Variants in LAIR1 observed in about 807,000 individuals in gnomAD.
LAIR1 encodes the protein leukocyte-associated immunoglobulin-like receptor 1.
LAIR1 carries 24 observed loss-of-function variants against 32.8 expected under a neutral mutation model. The ratio of observed to expected loss-of-function variants is 0.73; its 90% CI spans 0.53 to 1.03. The LOEUF is 1.03. Among genes scored for constraint, LAIR1 ranks in the 50% least tolerant of loss-of-function variants. The pLI is 0.00. For missense variants in LAIR1, 355 were observed against 347.5 expected, an observed-to-expected ratio of 1.02 and a Z score of -0.17; for synonymous variants, 150 against 140.5, an observed-to-expected ratio of 1.07 and a Z score of -0.48.
At position 54,356,549 on chromosome 19, in the gene LAIR1, G is replaced by A. The variant is rs1430631719; in HGVS notation, c.525C>T (p.Leu175=). 3.1e-6 allele frequency: 5 copies of A among 1,613,876 alleles called. No individual in the cohort carries two copies. In the Admixed American group the frequency reaches 8.3e-5, roughly 27 times the overall value. ...YILIGVSVVF[L]FCLLLLVLFC... is the part of the protein sequence containing the mutation. The stretch of plus-strand genomic sequence containing the variant: ...AGAGGACCAGGAGGAGGAGACAGAA[G>A]AGGAAGACCACTGAGACCCCGATGA... The change falls in exon 6 of 10, where the codon CTC becomes CTT. Residue 175 remains leucine, a synonymous_variant. Transcript: ENST00000391742.
rs1270070589 is a variant in LAIR1 at position 54,358,395 on chromosome 19, ATAATAT to A, written c.416-1435_416-1430del. The stretch of plus-strand genomic sequence containing the variant: ...TCTTCCTTATATATATAATATATAT[ATAATAT>A]ATATATATATTATGATGTAAACATA... On this transcript the variant is annotated intron_variant, in intron 4 of 9. Coordinates refer to ENST00000391742, the MANE Select transcript of LAIR1 (RefSeq NM_002287.6). The A allele has an allele frequency of 5.2e-5, 6 of 114,802 alleles. No individual in the cohort carries two copies. The African/African-American group carries it at 5.3e-4, about 10-fold the overall frequency. 7.1% of individuals were successfully genotyped at this position (114,802 alleles called of 1,614,324 possible).
upstream of LAIR1, among the ~76,000 whole-genome samples, chr19:54,372,850 G>T (rs1160970233): frequency 1.3e-5 from 2 of 151,510 alleles, no homozygotes; most frequent in East Asian, 3.9e-4. Context: ...CGATCAACTG[G>T]CCTGGCACAG....
intron 2 of LAIR1, among the ~76,000 whole-genome samples, chr19:54,362,570 C>T (rs1275028660): frequency 6.6e-6 from 1 of 152,142 alleles, no homozygotes; most frequent in Non-Finnish European, 1.5e-5. Context: ...CTGCAACCTC[C>T]GCCTCCAAGG....
rs10422913 is a variant in LAIR1 at position 54,364,498 on chromosome 19, T to A, written c.35-168A>T. The A allele has an allele frequency of 1.5e-3, 1,244 of 811,008 alleles. 9 individuals carry two copies. In the African/African-American group the frequency reaches 0.017, roughly 11 times the overall value. The allele number at this position is 811,008 out of a possible 1,614,324, so 50.2% of individuals were successfully genotyped here. On this transcript the variant is annotated intron_variant, in intron 1 of 9. Transcript: ENST00000391742. The surrounding 1 kb of genome is among the most constrained non-coding windows in gnomAD (Gnocchi z 4.8). Reference sequence around the variant, plus strand: ...TGTAATCCTTCTTGCTGCAAAATGGTTTCAAGATAAATCCCAAAGTCTCCT... The same window carrying A: ...TGTAATCCTTCTTGCTGCAAAATGGATTCAAGATAAATCCCAAAGTCTCCT...
chr19:54,357,856 G>A (rs1433825675), intron 4 of LAIR1: 4 of 151,284 alleles, frequency 2.6e-5, no homozygotes, highest in Non-Finnish European at 5.9e-5. Context: ...CTAAGGTCCA[G>A]GACACCACCC....
At position 54,352,402 on chromosome 19, in the gene LAIR1, T is replaced by G. The variant is rs2081549102; in HGVS notation, c.*2866A>C. ...GGGCCCGTGCAGCAGGAGGGACATC[T>G]TCTCCGCACAGCAATGTTCCCAGAT... On this transcript the variant is annotated 3_prime_UTR_variant, in exon 10 of 10. Coordinates refer to ENST00000391742, the MANE Select transcript of LAIR1 (RefSeq NM_002287.6). 6.5e-6 allele frequency: 1 copy of G among 153,756 alleles called. No individual in the cohort carries two copies. The highest frequency in any genetic ancestry group is 6.5e-5 in the Admixed American group (1 of 15,270). 9.5% of individuals were successfully genotyped at this position (153,756 alleles called of 1,614,324 possible).
intron 2 of LAIR1, among the ~76,000 whole-genome samples, chr19:54,363,526 G>A (rs1407651147): frequency 3.3e-5 from 5 of 152,160 alleles, no homozygotes; most frequent in African/African-American, 4.8e-5. Flanking sequence ...ACTCACAGCC[G>A]CCAAGACCTG....
rs527547254 is a variant in LAIR1 at position 54,355,793 on chromosome 19, C to T, written c.717+161G>A. The stretch of plus-strand genomic sequence containing the variant: ...GGATCCTCCAGCCCACGGGAGCCTT[C>T]GGATGCACACAGCCCTGGGCGACCT... On this transcript the variant is annotated intron_variant, in intron 9 of 9. Transcript: ENST00000391742. This position sits in a 1 kb window ranked among gnomAD's most constrained non-coding sequence, Gnocchi z 4.7. Among the ~76,000 whole-genome samples the T allele has an allele frequency of 8.5e-5, 13 of 152,258 alleles. No individual in the cohort carries two copies. The East Asian group carries it at 1.2e-3, about 14-fold the overall frequency.
At chr19:54,362,568 T>C (rs1339923515) in intron 2 of LAIR1, among the ~76,000 whole-genome samples, 1 of 152,216 alleles carries the variant, frequency 6.6e-6, no homozygotes, top group Non-Finnish European at 1.5e-5. Context: ...CACTGCAACC[T>C]CCGCCTCCAA....
At position 54,361,228 on chromosome 19, in the gene LAIR1, A is replaced by G. The variant is rs367992870; in HGVS notation, c.71-19T>C. ...AGATCTTCTAGGAGGGAAGCAGAGCAGGATCTCAGCGTCCACTGTAGGAAG... is the reference window on the plus strand; with the variant it reads ...AGATCTTCTAGGAGGGAAGCAGAGCGGGATCTCAGCGTCCACTGTAGGAAG... On this transcript the variant is annotated intron_variant, in intron 2 of 9. Coordinates refer to ENST00000391742, the MANE Select transcript of LAIR1 (RefSeq NM_002287.6). 11 of 1,612,160 alleles carry G rather than the reference A, an allele frequency of 6.8e-6. No homozygotes were observed. In the African/African-American group the frequency reaches 1.2e-4, roughly 18 times the overall value.
In LAIR1 at chr19:54,355,312, G is replaced by A. The variant is rs372322548; in HGVS notation, c.820C>T (p.Pro274Ser). The A allele has an allele frequency of 1.7e-4, 269 of 1,613,254 alleles. 2 individuals are homozygous for A. The South Asian group carries it at 2.8e-3, about 17-fold the overall frequency. The change falls in exon 10 of 10, where the codon CCC (proline) becomes TCC (serine). Residue 274 changes from proline to serine, a missense_variant. Physicochemically the swap from Pro to Ser is moderately conservative, Grantham distance 74. Transcript: ENST00000391742. The surrounding 1 kb of genome is among the most constrained non-coding windows in gnomAD (Gnocchi z 4.7). ...ARAVSPQSTK[P>S]MAESITYAAV... ...GCATACGTGATGGACTCGGCCATGGGCTTTGTGGACTGTGGGGACACAGCC... is the reference window on the plus strand; with the variant it reads ...GCATACGTGATGGACTCGGCCATGGACTTTGTGGACTGTGGGGACACAGCC...
intron 5 of LAIR1, 75 bp downstream of exon 5, chr19:54,356,853 C>A: frequency 6.4e-7 from 1 of 1,566,484 alleles, no homozygotes; most frequent in Non-Finnish European, 8.7e-7. Context: ...ATCTGATCAA[C>A]CCCAAAGCCT....
Position 54,352,915 on chromosome 19 carries a change from T to C in LAIR1, c.*2353A>G, listed in dbSNP as rs761311972. On this transcript the variant is annotated 3_prime_UTR_variant, in exon 10 of 10. Coordinates refer to ENST00000391742, the MANE Select transcript of LAIR1 (RefSeq NM_002287.6). ...GGCTCATGCCTGTAATCCCAGGACT[T>C]TGGGAGGCTGAGGTGGGCAGATCAC... is the stretch of plus-strand genomic sequence containing the variant. The C allele has an allele frequency of 2.0e-5, 3 of 151,994 alleles. No homozygotes were observed. Among genetic ancestry groups the C allele is most frequent in the Non-Finnish European group, 4.4e-5 (3 of 67,992 alleles). The allele number at this position is 151,994 out of a possible 1,614,324, so 9.4% of individuals were successfully genotyped here.
Position 54,354,752 on chromosome 19 carries a change from T to C in LAIR1, c.*516A>G, listed in dbSNP as rs2081623474. 1 of 152,540 alleles carries C rather than the reference T, an allele frequency of 6.6e-6. No individual in the cohort carries two copies. Among genetic ancestry groups the C allele is most frequent in the African/African-American group, 2.4e-5 (1 of 41,454 alleles). The allele number at this position is 152,540 out of a possible 1,614,324, so 9.4% of individuals were successfully genotyped here. A position where few individuals can be genotyped will look rare whatever the true frequency, so the allele number is the denominator to read the frequency against. On this transcript the variant is annotated 3_prime_UTR_variant, in exon 10 of 10. Transcript: ENST00000391742. ...GAACTGGGCTTGGCTCTCAGCTGTGTGTGTATAGCACAGTCTCAAGGCTAG... is the reference window on the plus strand; with the variant it reads ...GAACTGGGCTTGGCTCTCAGCTGTGCGTGTATAGCACAGTCTCAAGGCTAG...
At chr19:54,360,732 A>G (rs112683775) in intron 3 of LAIR1, 184 bp downstream of exon 3, 594,570 of 608,938 alleles carry the variant, frequency 0.98, 291,507 homozygotes, top group Middle Eastern at 0.99. Flanking sequence ...GGGCTCCAGG[A>G]ACCTAAGCAG....
At position 54,357,031 on chromosome 19, in the gene LAIR1, T is replaced by C. The variant is rs988263656; in HGVS notation, c.416-65A>G. 4 of 1,471,134 alleles carry C rather than the reference T, an allele frequency of 2.7e-6. No homozygotes were observed. The Admixed American group carries it at 7.2e-5, about 27-fold the overall frequency. The allele number at this position is 1,471,134 out of a possible 1,614,324, so 91.1% of individuals were successfully genotyped here. ...TGAGCTGGACAGAGAAGGCTCTGAG[T>C]CCTCCCACATCCACTGTGGGGATCT... On this transcript the variant is annotated intron_variant, in intron 4 of 9. Coordinates refer to ENST00000391742, the MANE Select transcript of LAIR1 (RefSeq NM_002287.6).
intron 8 of LAIR1, 110 bp from the exon 9 acceptor site, chr19:54,356,116 C>T (rs762931832): frequency 6.4e-5 from 85 of 1,330,750 alleles, no homozygotes; most frequent in Non-Finnish European, 8.1e-5. Context: ...ATGTATAATA[C>T]GACCTTCTAG....
chr19:54,368,977 G>C (rs1207738880), upstream of LAIR1, among the ~76,000 whole-genome samples: 3 of 151,198 alleles, frequency 2.0e-5, 1 homozygote, highest in African/African-American at 7.4e-5. Context: ...GTGAGCCACT[G>C]CACCCGGCCG....
At position 54,355,394 on chromosome 19, in the gene LAIR1, G is replaced by A; in HGVS notation, c.738C>T (p.Ser246=). The part of the protein sequence containing the change: ...TDTSALAAGS[S]QEVTYAQLDH... ...CCAGCTGAGCATACGTCACCTCCTGGGAACTCCCTGCAGCCAGGGCCTAAG... is the reference window on the plus strand; with the variant it reads ...CCAGCTGAGCATACGTCACCTCCTGAGAACTCCCTGCAGCCAGGGCCTAAG... Residue 246 remains serine (S), a synonymous_variant, in exon 10 of 10, where the codon TCC becomes TCT. Coordinates refer to ENST00000391742, the MANE Select transcript of LAIR1 (RefSeq NM_002287.6). This position sits in a 1 kb window ranked among gnomAD's most constrained non-coding sequence, Gnocchi z 4.7. 6.2e-7 allele frequency: 1 copy of A among 1,609,356 alleles called. No individual in the cohort carries two copies. The highest frequency in any genetic ancestry group is 1.1e-5 in the South Asian group (1 of 90,518).
Sources: allele counts gnomAD v4.1 joint callset (sites outside exome capture counted in the v4.1 genomes callset), GRCh38; gene constraint gnomAD v4.1.1; non-coding constraint Gnocchi (gnomAD v3.1); transcripts MANE v1.5; gene names NCBI Gene and HGNC (gene_info 2026-07-23, HGNC 2026-07-21).